EPC1: variants seen among roughly 807,000 people sequenced by gnomAD.
EPC1 encodes enhancer of polycomb 1.
EPC1 carries 12 observed loss-of-function variants against 98.4 expected under a neutral mutation model. The observed-to-expected ratio is 0.12, with a 90% CI of 0.08 to 0.20. The LOEUF is 0.20. Among genes scored for constraint, EPC1 ranks in the 10% least tolerant of loss-of-function variants. The pLI is 1.00. For synonymous variants in EPC1, 357 were observed against 363.9 expected, an observed-to-expected ratio of 0.98 and a Z score of 0.21; for missense variants, 729 against 990.5, an observed-to-expected ratio of 0.74 and a Z score of 3.54.
chr10:32,370,796 G>A (rs1363113459), intron 1 of EPC1, among the ~76,000 whole-genome samples: 1 of 152,214 alleles, frequency 6.6e-6, no homozygotes, highest in Non-Finnish European at 1.5e-5. Flanking sequence ...TCAAATTTAA[G>A]TTAATTCAAA....
chr10:32,357,376 A>G (rs1001545496), intron 1 of EPC1, among the ~76,000 whole-genome samples: 1 of 152,240 alleles, frequency 6.6e-6, no homozygotes, highest in Non-Finnish European at 1.5e-5. Context: ...GAACGAGATA[A>G]TATTTTTTGT....
At chr10:32,307,031 A>T (rs1002250722) in intron 1 of EPC1, among the ~76,000 whole-genome samples, 1 of 152,206 alleles carries the variant, frequency 6.6e-6, no homozygotes. Flanking sequence ...GAATATATAT[A>T]TTCCTATATA....
At chr10:32,305,370 A>G (rs1242988621) in intron 2 of EPC1, among the ~76,000 whole-genome samples, 2 of 152,258 alleles carry the variant, frequency 1.3e-5, no homozygotes, top group Non-Finnish European at 2.9e-5. Flanking sequence ...AGAATGACCC[A>G]CAGAGTCTAC....
At chr10:32,343,196 GTTACT>G (rs1838484750) in intron 1 of EPC1, among the ~76,000 whole-genome samples, 2 of 151,836 alleles carry the variant, frequency 1.3e-5, no homozygotes. Flanking sequence ...TTCATCATCC[GTTACT>G]TTATTTTTAA....
chr10:32,339,830 G>A (rs1478131818), intron 1 of EPC1, among the ~76,000 whole-genome samples: 1 of 152,136 alleles, frequency 6.6e-6, no homozygotes, highest in African/African-American at 2.4e-5. Context: ...AAGAAATGCA[G>A]AGACTAAAGT....
intron 9 of EPC1, chr10:32,285,915 G>T (rs1027900997): frequency 6.6e-6 from 1 of 151,882 alleles, no homozygotes; most frequent in African/African-American, 2.4e-5. Flanking sequence ...GGAAAAAAAC[G>T]GACTAAATAA....
intron 1 of EPC1, among the ~76,000 whole-genome samples, chr10:32,365,536 G>A (rs934946017): frequency 2.0e-5 from 3 of 152,056 alleles, no homozygotes; most frequent in Non-Finnish European, 4.4e-5. Context: ...CATTTAGGCC[G>A]GGGACGTGGT....
chr10:32,363,589 T>TA (rs1042193676), intron 1 of EPC1, among the ~76,000 whole-genome samples: 1 of 152,236 alleles, frequency 6.6e-6, no homozygotes, highest in Non-Finnish European at 1.5e-5. Context: ...TCTGAATTTT[T>TA]AAAAAAGTGT....
At chr10:32,355,811 A>G (rs1306877108) in intron 1 of EPC1, among the ~76,000 whole-genome samples, 1 of 149,936 alleles carries the variant, frequency 6.7e-6, no homozygotes, top group Non-Finnish European at 1.5e-5. Context: ...AGGTTTCACC[A>G]TGTTGGCCAG....
intron 1 of EPC1, among the ~76,000 whole-genome samples, chr10:32,320,944 A>C (rs528610912): frequency 6.6e-6 from 1 of 152,230 alleles, no homozygotes; most frequent in East Asian, 1.9e-4. Flanking sequence ...TCTTTAATTT[A>C]TAGTACCATT....
chr10:32,295,808 A>G (rs1835119206), intron 2 of EPC1, among the ~76,000 whole-genome samples: 1 of 152,190 alleles, frequency 6.6e-6, no homozygotes, highest in African/African-American at 2.4e-5. Context: ...CTAGTGTTGT[A>G]TTAGCACAGA....
intron 1 of EPC1, among the ~76,000 whole-genome samples, chr10:32,364,594 C>T (rs775438432): frequency 6.6e-6 from 1 of 152,140 alleles, no homozygotes; most frequent in Admixed American, 6.5e-5. Context: ...GAGTGAGACT[C>T]GACCCTTCCC....
chr10:32,273,098 G>C (rs1224457066), intron 11 of EPC1, 65 bp downstream of exon 11: 1 of 1,614,134 alleles, frequency 6.2e-7, no homozygotes, highest in South Asian at 1.1e-5. Flanking sequence ...ACAACAGTTG[G>C]TAATTAGAGA....
intron 1 of EPC1, among the ~76,000 whole-genome samples, chr10:32,338,982 T>A (rs1000839528): frequency 6.6e-6 from 1 of 151,352 alleles, no homozygotes; most frequent in Admixed American, 6.6e-5. Flanking sequence ...AAAATAATAA[T>A]AAATTCTGGC....
intron 5 of EPC1, 24 bp from the exon 6 acceptor site, chr10:32,291,346 T>A: frequency 6.5e-7 from 1 of 1,531,074 alleles, no homozygotes; most frequent in Admixed American, 1.7e-5. Flanking sequence ...AATGAAAGTT[T>A]AAAATTATAT....
At chr10:32,319,736 G>A (rs1836771230) in intron 1 of EPC1, among the ~76,000 whole-genome samples, 1 of 152,140 alleles carries the variant, frequency 6.6e-6, no homozygotes, top group Non-Finnish European at 1.5e-5. Flanking sequence ...AAGTGCAGTG[G>A]CGCAATCTCG....
chr10:32,338,923 G>A (rs1248727354), intron 1 of EPC1, among the ~76,000 whole-genome samples: 1 of 147,668 alleles, frequency 6.8e-6, no homozygotes, highest in African/African-American at 2.5e-5. Context: ...GGGCAACAGA[G>A]GGAGACCTTG....
chr10:32,310,669 T>A (rs1836156747), intron 1 of EPC1, among the ~76,000 whole-genome samples: 1 of 151,888 alleles, frequency 6.6e-6, no homozygotes, highest in Non-Finnish European at 1.5e-5. Context: ...AGGTCAGGAG[T>A]TCAAGACCAG....
chr10:32,311,183 G>A (rs1474765245), intron 1 of EPC1, among the ~76,000 whole-genome samples: 2 of 151,958 alleles, frequency 1.3e-5, no homozygotes, highest in Non-Finnish European at 2.9e-5. Flanking sequence ...TGTGGTGGTG[G>A]GCGCCTGTAG....
Sources: gnomAD v4.1 joint callset for allele counts (sites outside exome capture counted in the v4.1 genomes callset) on GRCh38, gnomAD v4.1.1 for gene constraint, MANE v1.5 for transcripts, NCBI Gene and HGNC (gene_info 2026-07-23, HGNC 2026-07-21) for gene names.